The following TRIM24 variants were observed in gnomAD, a reference collection of about 807,000 sequenced individuals.
The protein encoded by TRIM24 is tripartite motif containing 24.
A neutral mutation model predicts 123.9 loss-of-function variants in TRIM24; 29 were observed. The observed-to-expected ratio is 0.23, with a 90% confidence interval of 0.17 to 0.32. TRIM24 has a LOEUF of 0.32. Ranked by LOEUF, TRIM24 falls within the 10% of genes least tolerant of loss-of-function variation. The pLI is 1.00. For missense variants in TRIM24, 932 were observed against 1,295.3 expected (o/e 0.72, Z 4.31); for synonymous variants, 456 against 461.1 (o/e 0.99, Z 0.14).
At position 138,576,461 on chromosome 7, in the gene TRIM24, C is replaced by A; in HGVS notation, c.2087+16C>A. 1 of 1,609,046 alleles carries A rather than the reference C, an allele frequency of 6.2e-7. No homozygotes were observed. The highest frequency in any genetic ancestry group is 8.5e-7 in the Non-Finnish European group (1 of 1,175,954). The stretch of plus-strand genomic sequence containing the variant: ...GCCGAGGAAGGTAAACTGACTAAAC[C>A]ATATTTTCTAGTATATAAAAATCTC... On this transcript the variant is annotated intron_variant, in intron 13 of 18. Transcript: ENST00000343526.
intron 11 of TRIM24, among the ~76,000 whole-genome samples, chr7:138,572,972 A>G (rs1490302357): frequency 6.6e-6 from 1 of 152,206 alleles, no homozygotes; most frequent in Non-Finnish European, 1.5e-5. Flanking sequence ...AGTGCTGTAG[A>G]TATATGGACT....
chr7:138,523,216 G>A (rs1370316354), intron 4 of TRIM24, among the ~76,000 whole-genome samples: 1 of 152,182 alleles, frequency 6.6e-6, no homozygotes, highest in Non-Finnish European at 1.5e-5. Flanking sequence ...CCAGGAGTAG[G>A]AAGGTGGCAT....
chr7:138,578,932 A>G (rs1039826732), intron 14 of TRIM24, among the ~76,000 whole-genome samples: 1 of 151,852 alleles, frequency 6.6e-6, no homozygotes, highest in Non-Finnish European at 1.5e-5. Flanking sequence ...ATATATATAT[A>G]TATATAGGTC....
intron 12 of TRIM24, 70 bp downstream of exon 12, chr7:138,573,712 C>T: frequency 6.7e-7 from 1 of 1,490,400 alleles, no homozygotes; most frequent in South Asian, 1.3e-5. Context: ...TAAAAAATTA[C>T]CCCTCTTCTC....
At chr7:138,558,495 A>G (rs1328455183) in intron 9 of TRIM24, among the ~76,000 whole-genome samples, 6 of 152,136 alleles carry the variant, frequency 3.9e-5, no homozygotes, top group East Asian at 1.9e-4. Context: ...TTGATCCCCT[A>G]TGATGGTTCC....
At chr7:138,476,462 G>T (rs903628892) in intron 1 of TRIM24, among the ~76,000 whole-genome samples, 4 of 151,888 alleles carry the variant, frequency 2.6e-5, no homozygotes, top group Admixed American at 1.3e-4. Flanking sequence ...GCATGGTGGC[G>T]TGCGCCTGTA....
At chr7:138,578,298 C>T (rs1797808896) in intron 14 of TRIM24, among the ~76,000 whole-genome samples, 1 of 151,964 alleles carries the variant, frequency 6.6e-6, no homozygotes, top group Admixed American at 6.5e-5. Context: ...ATGATGTAAA[C>T]AAACACCTGA....
chr7:138,537,163 C>T (rs1037848166), intron 6 of TRIM24, among the ~76,000 whole-genome samples: 26 of 152,102 alleles, frequency 1.7e-4, no homozygotes, highest in African/African-American at 6.3e-4. Context: ...TTGTGCTTCC[C>T]GGGTGAGGCG....
intron 1 of TRIM24, among the ~76,000 whole-genome samples, chr7:138,496,483 G>A (rs567426187): frequency 6.6e-6 from 1 of 152,212 alleles, no homozygotes; most frequent in East Asian, 1.9e-4. Flanking sequence ...TGCTAAGAGT[G>A]GACATCCTTG....
At chr7:138,564,055 C>T (rs1307996536) in intron 9 of TRIM24, among the ~76,000 whole-genome samples, 2 of 152,144 alleles carry the variant, frequency 1.3e-5, no homozygotes, top group Non-Finnish European at 2.9e-5. Flanking sequence ...AGTCTGGCCA[C>T]GTAGGATTGT....
intron 4 of TRIM24, among the ~76,000 whole-genome samples, chr7:138,524,214 A>G (rs1432234644): frequency 1.4e-4 from 22 of 152,208 alleles, no homozygotes; most frequent in Non-Finnish European, 2.9e-4. Flanking sequence ...AACTAGAAAT[A>G]AAAAAGAACT....
intron 1 of TRIM24, among the ~76,000 whole-genome samples, chr7:138,485,970 T>A (rs1795637451): frequency 6.6e-6 from 1 of 152,216 alleles, no homozygotes; most frequent in African/African-American, 2.4e-5. Flanking sequence ...TGTAAAAGTG[T>A]TCCTATTTCT....
At chr7:138,530,192 A>G (rs2116587651) in intron 6 of TRIM24, among the ~76,000 whole-genome samples, 1 of 152,070 alleles carries the variant, frequency 6.6e-6, no homozygotes, top group Middle Eastern at 3.4e-3. Context: ...ATCAGACCCC[A>G]TTTATAGTAA....
At position 138,585,526 on chromosome 7, in the gene TRIM24, A is replaced by G. The variant is rs912934094; in HGVS notation, c.*575A>G. The G allele has an allele frequency of 6.9e-5, 23 of 334,956 alleles. No homozygotes were observed. Among genetic ancestry groups the G allele is most frequent in the South Asian group, 4.1e-4 (14 of 34,134 alleles). The allele number at this position is 334,956 out of a possible 1,614,324, so 20.7% of individuals were successfully genotyped here. A position where few individuals can be genotyped will look rare whatever the true frequency, so the allele number is the denominator to read the frequency against. Reference sequence around the variant, plus strand: ...GAAGGGTAGGTTAGATGCTATTAAGAAGGCACTTAATAGTACATCATGTAA... The same window carrying G: ...GAAGGGTAGGTTAGATGCTATTAAGGAGGCACTTAATAGTACATCATGTAA... On this transcript the variant is annotated 3_prime_UTR_variant, in exon 19 of 19. Coordinates refer to ENST00000343526, the MANE Select transcript of TRIM24 (RefSeq NM_015905.3).
At chr7:138,501,978 A>C (rs957619326) in intron 1 of TRIM24, among the ~76,000 whole-genome samples, 1 of 152,122 alleles carries the variant, frequency 6.6e-6, no homozygotes, top group East Asian at 1.9e-4. Context: ...TTGTTTTTCT[A>C]GTACTGAAAA....
At chr7:138,501,429 C>T (rs1407472682) in intron 1 of TRIM24, among the ~76,000 whole-genome samples, 7 of 151,894 alleles carry the variant, frequency 4.6e-5, no homozygotes, top group Non-Finnish European at 8.8e-5. Context: ...CGGGGTTTCC[C>T]CATATTGACC....
intron 13 of TRIM24, 130 bp downstream of exon 13, chr7:138,576,575 A>T (rs1584747763): frequency 1.2e-5 from 4 of 343,168 alleles, no homozygotes; most frequent in Non-Finnish European, 2.1e-5. Flanking sequence ...AAATTTTAAT[A>T]ACTACTATAT....
intron 1 of TRIM24, among the ~76,000 whole-genome samples, chr7:138,488,296 A>C (rs1795695989): frequency 6.6e-6 from 1 of 150,446 alleles, no homozygotes; most frequent in South Asian, 2.1e-4. Context: ...AAAAAAAAAC[A>C]GCTCCTGAAT....
At chr7:138,571,990 A>C (rs968906482) in intron 11 of TRIM24, among the ~76,000 whole-genome samples, 3 of 152,204 alleles carry the variant, frequency 2.0e-5, no homozygotes, top group African/African-American at 7.2e-5. Context: ...TCGTGCACAT[A>C]TACATACGCA....
Sources: gnomAD v4.1 joint callset for allele counts (sites outside exome capture counted in the v4.1 genomes callset) on GRCh38, gnomAD v4.1.1 for gene constraint, MANE v1.5 for transcripts, NCBI Gene and HGNC (gene_info 2026-07-23, HGNC 2026-07-21) for gene names.